The following RIMS4 variants were observed in gnomAD, a reference collection of about 807,000 sequenced individuals.
RIMS4 encodes regulating synaptic membrane exocytosis protein 4.
A neutral mutation model predicts 29.0 loss-of-function variants in RIMS4; 9 were observed. The observed-to-expected ratio is 0.31, with a 90% CI of 0.19 to 0.54. The LOEUF (loss-of-function observed/expected upper bound fraction) is 0.54, where lower values mean the gene tolerates loss of function less well. Ranked by LOEUF, RIMS4 falls within the 20% of genes least tolerant of loss-of-function variation. RIMS4 has a pLI of 0.94. For missense variants in RIMS4, 193 were observed against 365.7 expected (o/e 0.53, Z 3.85); for synonymous variants, 130 against 152.9 (o/e 0.85, Z 1.10).
chr20:44,786,648 G>T (rs1031800325), intron 1 of RIMS4, among the ~76,000 whole-genome samples: 3 of 152,158 alleles, frequency 2.0e-5, no homozygotes, highest in Admixed American at 6.5e-5. Flanking sequence ...GCTTAGAAGA[G>T]AACTGTACCA....
rs2066040353 is a variant in RIMS4 at position 44,752,855 on chromosome 20, C to A, written c.*3279G>T. On this transcript the variant is annotated 3_prime_UTR_variant, in exon 6 of 6. Coordinates refer to ENST00000372851, the MANE Select transcript of RIMS4 (RefSeq NM_182970.4). ...CCCTTACAAGGGCCCTCCACCCAGG[C>A]ATCAAGGTCTAGACCCAATCCTGTG... 6.6e-6 allele frequency: 1 copy of A among 152,374 alleles called. No homozygotes were observed. Among genetic ancestry groups the A allele is most frequent in the Non-Finnish European group, 1.5e-5 (1 of 68,154 alleles). 9.4% of individuals were successfully genotyped at this position (152,374 alleles called of 1,614,324 possible).
chr20:44,786,271 C>A (rs1449916227), intron 1 of RIMS4, among the ~76,000 whole-genome samples: 1 of 152,090 alleles, frequency 6.6e-6, no homozygotes, highest in Non-Finnish European at 1.5e-5. Flanking sequence ...GGGAACCACA[C>A]CCCCACCATC....
At chr20:44,781,333 T>C (rs978421639) in intron 1 of RIMS4, among the ~76,000 whole-genome samples, 2 of 152,196 alleles carry the variant, frequency 1.3e-5, no homozygotes, top group Non-Finnish European at 2.9e-5. Flanking sequence ...AGGGCAGAGA[T>C]ATACACAGAG....
intron 1 of RIMS4, among the ~76,000 whole-genome samples, chr20:44,790,361 G>A (rs1316886957): frequency 6.6e-6 from 1 of 152,178 alleles, no homozygotes; most frequent in East Asian, 1.9e-4. Flanking sequence ...ACTGTGCCAA[G>A]CATGACACCT....
intron 1 of RIMS4, among the ~76,000 whole-genome samples, chr20:44,776,811 A>C (rs1444488987): frequency 6.6e-6 from 1 of 152,206 alleles, no homozygotes; most frequent in African/African-American, 2.4e-5. Flanking sequence ...CTCCCACTTA[A>C]TTCTCACAAT....
intron 1 of RIMS4, among the ~76,000 whole-genome samples, chr20:44,774,501 C>T (rs2066151199): frequency 6.6e-6 from 1 of 152,134 alleles, no homozygotes; most frequent in South Asian, 2.1e-4. Flanking sequence ...GCATCTTCCT[C>T]CCATGCTGGA....
intron 2 of RIMS4, among the ~76,000 whole-genome samples, chr20:44,758,662 GA>G: frequency 6.6e-6 from 1 of 152,304 alleles, no homozygotes; most frequent in South Asian, 2.1e-4. Flanking sequence ...AACAGCTCCT[GA>G]GACTGGGCCT....
chr20:44,758,316 G>T, intron 2 of RIMS4, 132 bp from the exon 3 acceptor site: 1 of 635,182 alleles, frequency 1.6e-6, no homozygotes, highest in Non-Finnish European at 2.7e-6. Context: ...GGTTTACCCA[G>T]TATCTGGCTC....
intron 1 of RIMS4, among the ~76,000 whole-genome samples, chr20:44,808,442 T>C (rs1387420364): frequency 2.0e-5 from 3 of 152,150 alleles, no homozygotes; most frequent in Non-Finnish European, 4.4e-5. Flanking sequence ...TACAAACCCA[T>C]GCTCCTGCCC....
intron 2 of RIMS4, among the ~76,000 whole-genome samples, chr20:44,769,852 G>A (rs1316585750): frequency 1.3e-5 from 2 of 152,178 alleles, no homozygotes; most frequent in Admixed American, 6.5e-5. Context: ...TGGAGGCCAA[G>A]CCCCAGCCCC....
In RIMS4 at chr20:44,753,825, GAACA is replaced by G. The variant is rs1156652560; in HGVS notation, c.*2305_*2308del. ...TCCAGGAGGTGAGCGGGATTTCACAGAACAAACAAGAAAATCATTGAGGGGGCCC... is the reference window on the plus strand; with the variant it reads ...TCCAGGAGGTGAGCGGGATTTCACAGAACAAGAAAATCATTGAGGGGGCCC... On this transcript the variant is annotated 3_prime_UTR_variant, in exon 6 of 6. Coordinates refer to ENST00000372851, the MANE Select transcript of RIMS4 (RefSeq NM_182970.4). 6.6e-6 allele frequency: 1 copy of G among 152,626 alleles called. No individual in the cohort carries two copies. Among genetic ancestry groups the G allele is most frequent in the African/African-American group, 2.4e-5 (1 of 41,436 alleles). 9.5% of individuals were successfully genotyped at this position (152,626 alleles called of 1,614,324 possible).
chr20:44,774,787 G>T lies in RIMS4; in HGVS notation c.98-3374C>A, dbSNP rs1211680731. ...AGGGGCCGTCCTTCTCCTGGCTGTG[G>T]CTGATCCATCTCCATCACTCACCAT... is the stretch of plus-strand genomic sequence containing the variant. On this transcript the variant is annotated intron_variant, in intron 1 of 5. Coordinates refer to ENST00000372851, the MANE Select transcript of RIMS4 (RefSeq NM_182970.4). 2.0e-5 allele frequency among the ~76,000 whole-genome samples: 3 copies of T among 152,054 alleles called. No homozygotes were observed. The South Asian group carries it at 6.2e-4, about 32-fold the overall frequency.
chr20:44,791,682 G>A (rs1183539826), intron 1 of RIMS4, among the ~76,000 whole-genome samples: 1 of 152,234 alleles, frequency 6.6e-6, no homozygotes, highest in African/African-American at 2.4e-5. Flanking sequence ...GGAGGGCTGA[G>A]AGGCCTGAGT....
At chr20:44,804,185 AG>A (rs2066288366) in intron 1 of RIMS4, among the ~76,000 whole-genome samples, 1 of 152,258 alleles carries the variant, frequency 6.6e-6, no homozygotes, top group Non-Finnish European at 1.5e-5. Context: ...CTACCCCTTC[AG>A]GTTGCCATAG....
intron 1 of RIMS4, among the ~76,000 whole-genome samples, chr20:44,798,354 C>T (rs992013641): frequency 2.0e-5 from 3 of 152,358 alleles, no homozygotes; most frequent in Admixed American, 6.5e-5. Flanking sequence ...GCTGTATGAC[C>T]TTGGCCAAGT....
At position 44,756,332 on chromosome 20, in the gene RIMS4, G is replaced by A. The variant is rs748081790; in HGVS notation, c.612C>T (p.Tyr204=). 38 of 1,613,762 alleles carry A rather than the reference G, an allele frequency of 2.4e-5. No individual in the cohort carries two copies. Among genetic ancestry groups the A allele is most frequent in the African/African-American group, 1.5e-4 (11 of 74,880 alleles). ...KVLQVIVWGN[Y]GRMERKQFMG... ...TGAACTGCTTCCGCTCCATCCGCCC[G>A]TAGTTCCCCCACACGATCACCTGTG... is the stretch of plus-strand genomic sequence containing the variant. The change falls in exon 6 of 6, where the codon TAC becomes TAT. Residue 204 remains tyrosine (Y), a synonymous_variant. Transcript: ENST00000372851. This position sits in a 1 kb window ranked among gnomAD's most constrained non-coding sequence, Gnocchi z 5.9.
intron 4 of RIMS4, among the ~76,000 whole-genome samples, chr20:44,757,395 A>G (rs1371498557): frequency 3.9e-5 from 6 of 152,106 alleles, no homozygotes; most frequent in African/African-American, 1.4e-4. Context: ...GCATGCCAAG[A>G]ACCCTGCTAG....
intron 1 of RIMS4, among the ~76,000 whole-genome samples, chr20:44,775,315 C>G (rs1466755852): frequency 1.3e-5 from 2 of 152,172 alleles, no homozygotes; most frequent in South Asian, 2.1e-4. Context: ...GAGCCCCTCC[C>G]CACTGTAGCA....
intron 1 of RIMS4, among the ~76,000 whole-genome samples, chr20:44,798,345 C>T (rs1304693687): frequency 6.6e-6 from 1 of 152,234 alleles, no homozygotes; most frequent in African/African-American, 2.4e-5. Context: ...CCCTCACTAG[C>T]TGTATGACCT....
Sources: gnomAD v4.1 joint callset for allele counts (sites outside exome capture counted in the v4.1 genomes callset) on GRCh38, gnomAD v4.1.1 for gene constraint, Gnocchi (gnomAD v3.1) non-coding constraint, MANE v1.5 for transcripts, NCBI Gene and HGNC (gene_info 2026-07-23, HGNC 2026-07-21) for gene names.